ITPKB: variants seen among roughly 807,000 people sequenced by gnomAD.
The protein encoded by ITPKB is IP3 3-kinase B.
In ITPKB, 13 loss-of-function variants were observed where a neutral mutation model predicts 69.4. The ratio of observed to expected loss-of-function variants is 0.19; its 90% CI spans 0.12 to 0.30. ITPKB has a LOEUF of 0.30. ITPKB is among the 10% of genes least tolerant of loss of function. The pLI is 1.00. For missense variants in ITPKB, 1,240 were observed against 1,250.5 expected, an observed-to-expected ratio of 0.99 and a Z score of 0.13; for synonymous variants, 584 against 513.7, an observed-to-expected ratio of 1.14 and a Z score of -1.85.
intron 2 of ITPKB, among the ~76,000 whole-genome samples, chr1:226,678,797 C>A (rs954091198): frequency 5.3e-5 from 8 of 152,162 alleles, no homozygotes; most frequent in African/African-American, 1.7e-4. Flanking sequence ...TTATTCTAGG[C>A]CGCTCTCTGC....
chr1:226,701,460 C>G (rs1656635653), intron 2 of ITPKB, among the ~76,000 whole-genome samples: 1 of 151,282 alleles, frequency 6.6e-6, no homozygotes, highest in Non-Finnish European at 1.5e-5. Flanking sequence ...AAAAATTAGC[C>G]GGGCGTGGTG....
intron 2 of ITPKB, among the ~76,000 whole-genome samples, chr1:226,670,762 T>C (rs955775955): frequency 3.3e-5 from 5 of 152,254 alleles, no homozygotes; most frequent in Non-Finnish European, 7.3e-5. Flanking sequence ...TTATATTCTA[T>C]TGCACTACAT....
chr1:226,693,214 T>C (rs1656399629), intron 2 of ITPKB, among the ~76,000 whole-genome samples: 1 of 152,140 alleles, frequency 6.6e-6, no homozygotes, highest in Non-Finnish European at 1.5e-5. Flanking sequence ...CTGTTGGGAA[T>C]AGTGACAGCC....
At chr1:226,679,406 C>T (rs1656024096) in intron 2 of ITPKB, among the ~76,000 whole-genome samples, 1 of 152,182 alleles carries the variant, frequency 6.6e-6, no homozygotes, top group Non-Finnish European at 1.5e-5. Flanking sequence ...GGTTCCAGCT[C>T]TGCAGCTAAT....
In ITPKB at chr1:226,634,723, T is replaced by C. The variant is rs755057596; in HGVS notation, c.2789A>G (p.Asn930Ser). 2.7e-5 allele frequency: 28 copies of C among 1,040,522 alleles called. No homozygotes were observed. The highest frequency in any genetic ancestry group is 1.5e-5 in the Non-Finnish European group (10 of 656,318). 64.5% of individuals were successfully genotyped at this position (1,040,522 alleles called of 1,614,324 possible). A position where few individuals can be genotyped will look rare whatever the true frequency, so the allele number is the denominator to read the frequency against. Reference protein sequence around the residue: ...NREDGYLSGLNNLVDILTEMS... With the variant: ...NREDGYLSGLSNLVDILTEMS... ...CTCGGTCAGGATGTCGACGAGGTTA[T>C]TGAGCCCCGAGAGGTAGCCATCCTC... The change falls in exon 8 of 8, where the codon AAT (asparagine) becomes AGT (serine). Residue 930 changes from asparagine to serine, a missense_variant. Asn to Ser is a conservative substitution (Grantham distance 46). Around this residue, in one of 2 missense-constraint regions of ITPKB, gnomAD observed 248 missense variants for 396.7 expected, o/e 0.63. Coordinates refer to ENST00000429204, the MANE Select transcript of ITPKB (RefSeq NM_002221.4). This position sits in a 1 kb window ranked among gnomAD's most constrained non-coding sequence, Gnocchi z 6.3.
At chr1:226,659,972 C>A (rs1468191420) in intron 2 of ITPKB, among the ~76,000 whole-genome samples, 1 of 152,224 alleles carries the variant, frequency 6.6e-6, no homozygotes, top group Non-Finnish European at 1.5e-5. Context: ...TACACCAAGG[C>A]TCACACTGCT....
rs1399127095 is a variant in ITPKB, at chr1:226,642,504, C to T, written c.2247-379G>A. ...CTTGATCCAGGAGAAAAGGTGCAGC[C>T]TCACTGAATCGGACTGCCTTCACTT... On this transcript the variant is annotated intron_variant, in intron 4 of 7. Transcript: ENST00000429204. This position sits in a 1 kb window ranked among gnomAD's most constrained non-coding sequence, Gnocchi z 6.4. 6.6e-6 allele frequency among the ~76,000 whole-genome samples: 1 copy of T among 152,076 alleles called. No individual in the cohort carries two copies. The highest frequency in any genetic ancestry group is 1.9e-4 in the East Asian group (1 of 5,170).
intron 2 of ITPKB, among the ~76,000 whole-genome samples, chr1:226,682,937 A>C (rs1311197262): frequency 1.3e-5 from 2 of 152,126 alleles, no homozygotes; most frequent in Non-Finnish European, 2.9e-5. Flanking sequence ...TACCTACCAA[A>C]GTGGGTAGCA....
In ITPKB at chr1:226,736,910, G is replaced by A; in HGVS notation, c.549C>T (p.Ser183=). 6.2e-7 allele frequency: 1 copy of A among 1,610,500 alleles called. No individual in the cohort carries two copies. The highest frequency in any genetic ancestry group is 8.5e-7 in the Non-Finnish European group (1 of 1,180,000). Residue 183 remains serine (S), a synonymous_variant, in exon 2 of 8, where the codon AGC becomes AGT. Coordinates refer to ENST00000429204, the MANE Select transcript of ITPKB (RefSeq NM_002221.4). ...CCAGGACCCTTCCAGGGGGCTGACT[G>A]CTGCTGCGGAAGGGGCACGGGGAGG... ...RSPSPCPFRS[S]SQPPGRVLVQ...
At position 226,634,220 on chromosome 1, in the gene ITPKB, G is replaced by C; in HGVS notation, c.*451C>G. 1 of 159,184 alleles carries C rather than the reference G, an allele frequency of 6.3e-6. No individual in the cohort carries two copies. The highest frequency in any genetic ancestry group is 1.4e-5 in the Non-Finnish European group (1 of 71,598). The allele number at this position is 159,184 out of a possible 1,614,324, so 9.9% of individuals were successfully genotyped here. A position where few individuals can be genotyped will look rare whatever the true frequency, so the allele number is the denominator to read the frequency against. The stretch of plus-strand genomic sequence containing the variant: ...CAGCCAGGGACCAGGAACCCGGCCG[G>C]CCCCCTGGGCTCTCCGGTGGGGAGG... On this transcript the variant is annotated 3_prime_UTR_variant, in exon 8 of 8. Transcript: ENST00000429204. This position sits in a 1 kb window ranked among gnomAD's most constrained non-coding sequence, Gnocchi z 6.3.
At chr1:226,690,210 G>C (rs1656315501) in intron 2 of ITPKB, among the ~76,000 whole-genome samples, 1 of 152,174 alleles carries the variant, frequency 6.6e-6, no homozygotes, top group South Asian at 2.1e-4. Context: ...CATAGTGGTT[G>C]AACTAATTTA....
chr1:226,680,848 GA>G (rs1218023745), intron 2 of ITPKB, among the ~76,000 whole-genome samples: 3 of 152,162 alleles, frequency 2.0e-5, no homozygotes, highest in Admixed American at 6.5e-5. Flanking sequence ...GGACAAACGG[GA>G]AAATGTTCAG....
In ITPKB at chr1:226,637,596, G is replaced by T; in HGVS notation, c.2625+83C>A. ...CTGCACCACCCTGAAAATGCCCGATGCCCCGGGCTTCTGGAAGGAGAAGGA... is the reference window on the plus strand; with the variant it reads ...CTGCACCACCCTGAAAATGCCCGATTCCCCGGGCTTCTGGAAGGAGAAGGA... On this transcript the variant is annotated intron_variant, in intron 7 of 7. Coordinates refer to ENST00000429204, the MANE Select transcript of ITPKB (RefSeq NM_002221.4). The surrounding 1 kb of genome is among the most constrained non-coding windows in gnomAD (Gnocchi z 4.3). 1.8e-6 allele frequency: 2 copies of T among 1,103,758 alleles called. No homozygotes were observed. The highest frequency in any genetic ancestry group is 2.7e-6 in the Non-Finnish European group (2 of 727,762). The allele number at this position is 1,103,758 out of a possible 1,614,324, so 68.4% of individuals were successfully genotyped here.
intron 2 of ITPKB, among the ~76,000 whole-genome samples, chr1:226,679,465 G>A (rs1165728249): frequency 1.3e-5 from 2 of 152,176 alleles, no homozygotes; most frequent in Non-Finnish European, 2.9e-5. Flanking sequence ...TCCAGAAAGT[G>A]GAAAGATTAA....
intron 7 of ITPKB, among the ~76,000 whole-genome samples, chr1:226,635,174 CTCTT>C (rs1179946162): frequency 2.0e-5 from 3 of 152,090 alleles, no homozygotes; most frequent in Admixed American, 6.5e-5. Flanking sequence ...CCTTCCCTCC[CTCTT>C]TCTTTCCTTC....
chr1:226,676,607 T>G (rs554579679), intron 2 of ITPKB, among the ~76,000 whole-genome samples: 14 of 152,342 alleles, frequency 9.2e-5, no homozygotes, highest in Admixed American at 8.5e-4. Flanking sequence ...AAAACAGATG[T>G]GAAAGTGCTT....
In ITPKB at chr1:226,634,500, C is replaced by T; in HGVS notation, c.*171G>A. 1.7e-6 allele frequency: 1 copy of T among 596,664 alleles called. No individual in the cohort carries two copies. Among genetic ancestry groups the T allele is most frequent in the Non-Finnish European group, 3.0e-6 (1 of 333,382 alleles). The allele number at this position is 596,664 out of a possible 1,614,324, so 37.0% of individuals were successfully genotyped here. A position where few individuals can be genotyped will look rare whatever the true frequency, so the allele number is the denominator to read the frequency against. On this transcript the variant is annotated 3_prime_UTR_variant, in exon 8 of 8. Coordinates refer to ENST00000429204, the MANE Select transcript of ITPKB (RefSeq NM_002221.4). The surrounding 1 kb of genome is among the most constrained non-coding windows in gnomAD (Gnocchi z 6.3). ...AGCAGTGCAAACACCACCTCCAAGCCCTGAAGTTAGGAAAATGACTAGAAA... is the reference window on the plus strand; with the variant it reads ...AGCAGTGCAAACACCACCTCCAAGCTCTGAAGTTAGGAAAATGACTAGAAA...
At chr1:226,728,746 C>T (rs1314378208) in intron 2 of ITPKB, among the ~76,000 whole-genome samples, 1 of 152,092 alleles carries the variant, frequency 6.6e-6, no homozygotes, top group African/African-American at 2.4e-5. Context: ...CATAATTGAA[C>T]GCTCACCACT....
intron 2 of ITPKB, among the ~76,000 whole-genome samples, chr1:226,694,029 T>C (rs1656420438): frequency 6.6e-6 from 1 of 152,150 alleles, no homozygotes; most frequent in African/African-American, 2.4e-5. Context: ...TTTTGCCAAA[T>C]TGGATTCTGG....
Sources: gnomAD v4.1 joint callset for allele counts (sites outside exome capture counted in the v4.1 genomes callset) on GRCh38, gnomAD v4.1.1 for gene constraint, gnomAD v4.1.1 regional missense constraint, Gnocchi (gnomAD v3.1) non-coding constraint, MANE v1.5 for transcripts, NCBI Gene and HGNC (gene_info 2026-07-23, HGNC 2026-07-21) for gene names.